The following ZFHX4 variants were observed in gnomAD, a reference collection of about 807,000 sequenced individuals.
ZFHX4 encodes zinc finger homeobox protein 4.
Under a neutral mutation model 267.6 loss-of-function variants are expected in ZFHX4, and 56 were observed. That is an observed-to-expected ratio of 0.21 (90% confidence interval 0.17 to 0.26). ZFHX4 has a LOEUF of 0.26. Ranked by LOEUF, ZFHX4 falls within the 10% of genes least tolerant of loss-of-function variation. ZFHX4 has a pLI of 1.00. For missense variants in ZFHX4, 4,332 were observed against 4,420.0 expected, an observed-to-expected ratio of 0.98 and a Z score of 0.56; for synonymous variants, 1,778 against 1,665.6, an observed-to-expected ratio of 1.07 and a Z score of -1.64.
chr8:76,848,007 C>G (rs1812408864), intron 6 of ZFHX4, among the ~76,000 whole-genome samples: 1 of 151,952 alleles, frequency 6.6e-6, no homozygotes, highest in African/African-American at 2.4e-5. Context: ...GTGTCCTCAC[C>G]CTGGAAATAA....
At chr8:76,789,433 C>T (rs970554882) in intron 4 of ZFHX4, among the ~76,000 whole-genome samples, 3 of 152,110 alleles carry the variant, frequency 2.0e-5, no homozygotes, top group Non-Finnish European at 2.9e-5. Context: ...GTGCATATCA[C>T]GGTAGGCAAT....
At chr8:76,706,998 T>G in intron 2 of ZFHX4, among the ~76,000 whole-genome samples, 1 of 152,328 alleles carries the variant, frequency 6.6e-6, no homozygotes, top group East Asian at 1.9e-4. Flanking sequence ...GTTTATAGTT[T>G]CAATTTTGGT....
chr8:76,825,713 A>G (rs150945532), intron 4 of ZFHX4, among the ~76,000 whole-genome samples: 4 of 152,376 alleles, frequency 2.6e-5, no homozygotes, highest in African/African-American at 7.2e-5. Flanking sequence ...AATATGCCCA[A>G]GTAACTCATT....
intron 1 of ZFHX4, among the ~76,000 whole-genome samples, chr8:76,700,520 C>T (rs1474976789): frequency 6.6e-6 from 1 of 152,090 alleles, no homozygotes; most frequent in Non-Finnish European, 1.5e-5. Context: ...CAGAAAGCAC[C>T]CCCTTTCATT....
At chr8:76,723,439 T>G (rs1249194623) in intron 3 of ZFHX4, among the ~76,000 whole-genome samples, 1 of 152,074 alleles carries the variant, frequency 6.6e-6, no homozygotes, top group Non-Finnish European at 1.5e-5. Flanking sequence ...GTCAGGTTGC[T>G]TGTTTCCCAT....
At chr8:76,783,487 A>T (rs1432983801) in intron 4 of ZFHX4, among the ~76,000 whole-genome samples, 4 of 152,066 alleles carry the variant, frequency 2.6e-5, no homozygotes, top group East Asian at 1.9e-4. Context: ...TTCTTTTTTT[A>T]AAAAAGTACA....
intron 4 of ZFHX4, among the ~76,000 whole-genome samples, chr8:76,789,867 G>T (rs1375673032): frequency 1.3e-5 from 2 of 152,080 alleles, no homozygotes; most frequent in African/African-American, 4.8e-5. Flanking sequence ...TTTCAGATAT[G>T]AATGCACGAC....
intron 10 of ZFHX4, among the ~76,000 whole-genome samples, chr8:76,858,266 C>T (rs978930106): frequency 2.0e-5 from 3 of 152,182 alleles, no homozygotes; most frequent in African/African-American, 4.8e-5. Context: ...TCATTCTATT[C>T]ACCATAAATT....
intron 3 of ZFHX4, among the ~76,000 whole-genome samples, chr8:76,732,742 T>G (rs1809054334): frequency 6.6e-6 from 1 of 152,148 alleles, no homozygotes; most frequent in South Asian, 2.1e-4. Flanking sequence ...TAAAAACTGG[T>G]TTTCCCTCAA....
chr8:76,700,252 A>G (rs1808068268), intron 1 of ZFHX4, among the ~76,000 whole-genome samples: 1 of 152,148 alleles, frequency 6.6e-6, no homozygotes, highest in Non-Finnish European at 1.5e-5. Flanking sequence ...AGATGAGAAT[A>G]AAAACAATAG....
intron 4 of ZFHX4, among the ~76,000 whole-genome samples, chr8:76,784,759 AT>A (rs1810644172): frequency 6.6e-6 from 1 of 152,022 alleles, no homozygotes; most frequent in Non-Finnish European, 1.5e-5. Flanking sequence ...TTCTTCCAAA[AT>A]TTTTTTAAAA....
chr8:76,808,281 C>T (rs1260944672), intron 4 of ZFHX4, among the ~76,000 whole-genome samples: 1 of 152,114 alleles, frequency 6.6e-6, no homozygotes, highest in African/African-American at 2.4e-5. Context: ...AAAATAGCCC[C>T]TCTTTTTCTA....
intron 4 of ZFHX4, 41 bp downstream of exon 4, chr8:76,778,480 A>C: frequency 6.8e-7 from 1 of 1,477,846 alleles, no homozygotes; most frequent in Non-Finnish European, 9.4e-7. Context: ...GCCTCCCTCC[A>C]CACCACTTCA....
rs1171153858 is a variant in ZFHX4 at position 76,866,290 on chromosome 8, G to C, written c.*1725G>C. 6.6e-6 allele frequency: 1 copy of C among 152,522 alleles called. No individual in the cohort carries two copies. The highest frequency in any genetic ancestry group is 1.5e-5 in the Non-Finnish European group (1 of 68,008). The allele number at this position is 152,522 out of a possible 1,614,324, so 9.4% of individuals were successfully genotyped here. A position where few individuals can be genotyped will look rare whatever the true frequency, so the allele number is the denominator to read the frequency against. ...CCGAGATGAACAAGTAGCATGTAAT[G>C]CAACTGTTTGACAGTTTAACTCAAG... is the stretch of plus-strand genomic sequence containing the variant. On this transcript the variant is annotated 3_prime_UTR_variant, in exon 11 of 11. Transcript: ENST00000651372.
intron 4 of ZFHX4, among the ~76,000 whole-genome samples, chr8:76,810,971 G>T (rs1811361773): frequency 6.6e-6 from 1 of 152,010 alleles, no homozygotes; most frequent in Admixed American, 6.6e-5. Context: ...TTGCTAAGAA[G>T]CTACTAGGCC....
chr8:76,834,495 A>G (rs1244159914), intron 5 of ZFHX4: 1 of 158,340 alleles, frequency 6.3e-6, no homozygotes, highest in Non-Finnish European at 1.4e-5. Flanking sequence ...TGTGATGTGG[A>G]TTTTTTCATA....
rs749176925 is a variant in ZFHX4 at position 76,778,439 on chromosome 8, G to A, written c.3325G>A (p.Glu1109Lys). ...TAAAGATTGCCCACCAAATGAGCTT[G>A]GTGAGTAACCCTGAAGAGGGCTGTC... is the stretch of plus-strand genomic sequence containing the variant. ...FVKDCPPNEL[E>K]TASLGARTCD... Residue 1109 changes from glutamate to lysine, a missense_variant and splice_region_variant, in exon 4 of 11, where the codon GAA becomes AAA. By Grantham distance (56) the Glu-to-Lys change is moderately conservative (BLOSUM62 1). This residue lies in a region of ZFHX4 where 1,371 missense variants were observed against 1,423.1 expected (regional missense o/e 0.96). Coordinates refer to ENST00000651372, the MANE Select transcript of ZFHX4 (RefSeq NM_024721.5). The A allele has an allele frequency of 6.2e-7, 1 of 1,612,942 alleles. No homozygotes were observed. The highest frequency in any genetic ancestry group is 1.1e-5 in the South Asian group (1 of 91,028).
intron 1 of ZFHX4, among the ~76,000 whole-genome samples, chr8:76,683,456 T>C (rs1807604285): frequency 1.3e-5 from 2 of 148,664 alleles, no homozygotes; most frequent in Admixed American, 6.8e-5. Flanking sequence ...TGGCAGAAGA[T>C]GGTGGATTGA....
intron 6 of ZFHX4, 23 bp from the exon 7 acceptor site, chr8:76,848,972 G>T: frequency 2.7e-6 from 4 of 1,498,930 alleles, no homozygotes; most frequent in Non-Finnish European, 3.6e-6. Flanking sequence ...AAATTGAATT[G>T]TTCTATTCTT....
Sources: allele counts gnomAD v4.1 joint callset (sites outside exome capture counted in the v4.1 genomes callset), GRCh38; gene constraint gnomAD v4.1.1; regional missense constraint gnomAD v4.1.1; transcripts MANE v1.5; gene names NCBI Gene and HGNC (gene_info 2026-07-23, HGNC 2026-07-21).